The following SLC25A21 variants were observed in gnomAD, a reference collection of about 807,000 sequenced individuals.
SLC25A21 encodes the protein mitochondrial 2-oxodicarboxylate carrier.
In SLC25A21, 47 loss-of-function variants were observed where a neutral mutation model predicts 43.8. The ratio of observed to expected loss-of-function variants is 1.07; its 90% CI spans 0.85 to 1.37. The LOEUF is 1.37. Ranked by LOEUF, SLC25A21 falls within the 40% of genes most tolerant of loss-of-function variation. SLC25A21 has a pLI of 0.00. For missense variants in SLC25A21, 352 were observed against 350.2 expected (o/e 1.00, Z -0.04); for synonymous variants, 131 against 121.3 (o/e 1.08, Z -0.52).
At chr14:36,906,350 T>A (rs569716516) in intron 1 of SLC25A21, among the ~76,000 whole-genome samples, 1 of 152,128 alleles carries the variant, frequency 6.6e-6, no homozygotes, top group Non-Finnish European at 1.5e-5. Context: ...CTGTCAAGAT[T>A]TATATTTAAA....
At chr14:36,735,746 C>T (rs1172405869) in intron 3 of SLC25A21, among the ~76,000 whole-genome samples, 1 of 151,928 alleles carries the variant, frequency 6.6e-6, no homozygotes, top group African/African-American at 2.4e-5. Flanking sequence ...CTTACCCAGC[C>T]TCAATTCACT....
chr14:36,858,202 T>C (rs1462542553), intron 2 of SLC25A21, among the ~76,000 whole-genome samples: 1 of 152,248 alleles, frequency 6.6e-6, no homozygotes, highest in East Asian at 1.9e-4. Flanking sequence ...GAATGACCCA[T>C]GATTCAGGGC....
chr14:37,118,871 A>G (rs1963153801), intron 1 of SLC25A21, among the ~76,000 whole-genome samples: 1 of 152,100 alleles, frequency 6.6e-6, no homozygotes, highest in Non-Finnish European at 1.5e-5. Flanking sequence ...GCTGGGTAAA[A>G]TAAGTCTGAC....
intron 2 of SLC25A21, among the ~76,000 whole-genome samples, chr14:36,819,421 G>A (rs1048047696): frequency 3.3e-5 from 5 of 152,004 alleles, no homozygotes; most frequent in Non-Finnish European, 7.4e-5. Flanking sequence ...AATCATGACT[G>A]CAGCATTTCG....
intron 1 of SLC25A21, among the ~76,000 whole-genome samples, chr14:37,093,026 T>C (rs1171027564): frequency 6.6e-6 from 1 of 152,148 alleles, no homozygotes; most frequent in Non-Finnish European, 1.5e-5. Flanking sequence ...GACTGATGTA[T>C]ATATAGCAAC....
intron 2 of SLC25A21, among the ~76,000 whole-genome samples, chr14:36,860,604 A>G (rs1224819300): frequency 6.6e-6 from 1 of 152,186 alleles, no homozygotes; most frequent in Non-Finnish European, 1.5e-5. Flanking sequence ...TGCTCACCTG[A>G]CCTTTCCAAA....
intron 1 of SLC25A21, among the ~76,000 whole-genome samples, chr14:37,131,998 GA>G (rs1360541653): frequency 6.6e-6 from 1 of 152,250 alleles, no homozygotes; most frequent in Admixed American, 6.5e-5. Flanking sequence ...ATAAAGAAAA[GA>G]AATTTATTTC....
intron 9 of SLC25A21, among the ~76,000 whole-genome samples, chr14:36,683,565 T>TGTG (rs1882390370): frequency 6.6e-6 from 1 of 152,238 alleles, no homozygotes; most frequent in Non-Finnish European, 1.5e-5. Flanking sequence ...TCCAACTGCC[T>TGTG]GTGGCTTCTT....
intron 1 of SLC25A21, among the ~76,000 whole-genome samples, chr14:37,067,661 C>T (rs1962089139): frequency 6.6e-6 from 1 of 152,074 alleles, no homozygotes. Flanking sequence ...AGTATGGAGG[C>T]AGAAAATAGT....
intron 2 of SLC25A21, among the ~76,000 whole-genome samples, chr14:36,834,016 C>T (rs1290287491): frequency 6.6e-6 from 1 of 152,186 alleles, no homozygotes; most frequent in Non-Finnish European, 1.5e-5. Context: ...TAGCGTACAC[C>T]TATCCCCTAC....
chr14:36,777,456 A>G lies in SLC25A21; in HGVS notation c.203+36462T>C, dbSNP rs1379576137. ...CCTTATTTGGAAACAGGGTCTTTGC[A>G]GATGTAATTATGTTAAGAATCTCAA... On this transcript the variant is annotated intron_variant, in intron 3 of 9. Transcript: ENST00000331299. 2.0e-5 allele frequency among the ~76,000 whole-genome samples: 3 copies of G among 152,188 alleles called. No homozygotes were observed. In the East Asian group the frequency reaches 5.8e-4, roughly 29 times the overall value.
intron 1 of SLC25A21, among the ~76,000 whole-genome samples, chr14:36,964,018 T>C (rs936637187): frequency 3.3e-5 from 5 of 152,222 alleles, no homozygotes; most frequent in African/African-American, 9.6e-5. Flanking sequence ...AGATTTCTTA[T>C]GCACATATAT....
chr14:36,883,945 A>G (rs1890837595), intron 1 of SLC25A21, among the ~76,000 whole-genome samples: 1 of 152,214 alleles, frequency 6.6e-6, no homozygotes, highest in Non-Finnish European at 1.5e-5. Context: ...AAGCTAATGA[A>G]CATATCCATC....
At chr14:36,893,727 G>A (rs1217635574) in intron 1 of SLC25A21, among the ~76,000 whole-genome samples, 1 of 152,092 alleles carries the variant, frequency 6.6e-6, no homozygotes, top group Non-Finnish European at 1.5e-5. Flanking sequence ...TGTATAAGGT[G>A]TAAGGAAGGG....
chr14:37,076,703 C>T (rs993861286), intron 1 of SLC25A21, among the ~76,000 whole-genome samples: 1 of 150,410 alleles, frequency 6.6e-6, no homozygotes, highest in East Asian at 2.0e-4. Flanking sequence ...GGCCAGGCCT[C>T]GAACTCCTGA....
intron 1 of SLC25A21, among the ~76,000 whole-genome samples, chr14:37,122,851 T>A (rs2138893863): frequency 6.6e-6 from 1 of 152,302 alleles, no homozygotes; most frequent in South Asian, 2.1e-4. Flanking sequence ...AATTAAAGTA[T>A]CACTCATCTA....
chr14:37,000,938 T>C (rs1960476153), intron 1 of SLC25A21, among the ~76,000 whole-genome samples: 1 of 152,160 alleles, frequency 6.6e-6, no homozygotes. Flanking sequence ...TTAAACCTCT[T>C]TTCTTCATAA....
chr14:36,800,064 A>C (rs1887814815), intron 3 of SLC25A21, among the ~76,000 whole-genome samples: 1 of 152,098 alleles, frequency 6.6e-6, no homozygotes, highest in African/African-American at 2.4e-5. Flanking sequence ...TTTCCATTTG[A>C]ATTCTTTTTT....
intron 1 of SLC25A21, among the ~76,000 whole-genome samples, chr14:36,949,064 G>A (rs1045956148): frequency 3.9e-5 from 6 of 152,176 alleles, no homozygotes; most frequent in Non-Finnish European, 7.3e-5. Flanking sequence ...TACAGAGATC[G>A]AGTGATGGGC....
Sources: gnomAD v4.1 joint callset for allele counts (sites outside exome capture counted in the v4.1 genomes callset) on GRCh38, gnomAD v4.1.1 for gene constraint, MANE v1.5 for transcripts, NCBI Gene and HGNC (gene_info 2026-07-23, HGNC 2026-07-21) for gene names.